The following PDE11A variants were observed in gnomAD, a reference collection of about 807,000 sequenced individuals.
PDE11A encodes dual 3',5'-cyclic-AMP and -GMP phosphodiesterase 11A.
PDE11A carries 100 observed loss-of-function variants against 100.5 expected under a neutral mutation model. The ratio of observed to expected loss-of-function variants is 1.00; its 90% CI spans 0.85 to 1.18. The LOEUF (loss-of-function observed/expected upper bound fraction) is 1.18. PDE11A is among the 50% of genes most tolerant of loss of function. PDE11A has a pLI of 0.00. For synonymous variants in PDE11A, 381 were observed against 420.8 expected, an observed-to-expected ratio of 0.91 and a Z score of 1.16; for missense variants, 1,141 against 1,152.6, an observed-to-expected ratio of 0.99 and a Z score of 0.15.
intron 10 of PDE11A, among the ~76,000 whole-genome samples, chr2:177,743,755 G>C (rs1159117690): frequency 6.6e-6 from 1 of 152,146 alleles, no homozygotes; most frequent in Non-Finnish European, 1.5e-5. Context: ...TAACCCTAAA[G>C]GGAAAAGGTA....
chr2:177,834,933 AC>A (rs2083369593), intron 6 of PDE11A, among the ~76,000 whole-genome samples: 1 of 151,908 alleles, frequency 6.6e-6, no homozygotes, highest in South Asian at 2.1e-4. Context: ...TTGGAGGAGA[AC>A]CCAGCTCCTC....
intron 1 of PDE11A, among the ~76,000 whole-genome samples, chr2:178,044,573 G>A (rs1316087646): frequency 6.6e-6 from 1 of 151,600 alleles, no homozygotes. Flanking sequence ...GAAGTTCTTG[G>A]GAGGTATAAC....
intron 9 of PDE11A, among the ~76,000 whole-genome samples, chr2:177,775,897 T>G (rs1166539852): frequency 6.6e-6 from 1 of 152,148 alleles, no homozygotes; most frequent in Non-Finnish European, 1.5e-5. Flanking sequence ...CCTCCCCTAC[T>G]AGACTGTAAG....
At chr2:177,933,670 G>A (rs1020391483) in intron 2 of PDE11A, among the ~76,000 whole-genome samples, 20 of 152,102 alleles carry the variant, frequency 1.3e-4, no homozygotes, top group Non-Finnish European at 2.4e-4. Flanking sequence ...GACAGAGTGA[G>A]ACTCCATAAA....
chr2:177,931,528 A>C (rs112316025), intron 2 of PDE11A, among the ~76,000 whole-genome samples: 1 of 152,208 alleles, frequency 6.6e-6, no homozygotes, highest in African/African-American at 2.4e-5. Context: ...ATGGAAATTA[A>C]ACAACTTGCT....
chr2:177,748,424 C>T (rs1176518902), intron 10 of PDE11A, among the ~76,000 whole-genome samples: 1 of 152,172 alleles, frequency 6.6e-6, no homozygotes. Flanking sequence ...ATTCTGGTTA[C>T]TCTTATAAAG....
intron 1 of PDE11A, among the ~76,000 whole-genome samples, chr2:178,050,200 C>T (rs978546667): frequency 6.6e-6 from 1 of 152,212 alleles, no homozygotes; most frequent in East Asian, 1.9e-4. Context: ...GCAATATTTG[C>T]GGTTCTGCAG....
chr2:177,653,122 A>T (rs1236360900), intron 19 of PDE11A, among the ~76,000 whole-genome samples: 1 of 152,150 alleles, frequency 6.6e-6, no homozygotes, highest in Non-Finnish European at 1.5e-5. Context: ...GTCCATGCAG[A>T]TCTTTTCTCT....
intron 10 of PDE11A, among the ~76,000 whole-genome samples, chr2:177,758,494 A>C (rs2082125561): frequency 6.6e-6 from 1 of 152,150 alleles, no homozygotes. Flanking sequence ...CCATTTCACC[A>C]ACATGCAGTA....
chr2:177,683,045 T>C (rs2080887396), intron 15 of PDE11A, among the ~76,000 whole-genome samples: 1 of 152,056 alleles, frequency 6.6e-6, no homozygotes, highest in African/African-American at 2.4e-5. Flanking sequence ...GGACAAGAGG[T>C]TGAGAACAAC....
intron 19 of PDE11A, among the ~76,000 whole-genome samples, chr2:177,637,142 T>G (rs2080050746): frequency 6.6e-6 from 1 of 152,214 alleles, no homozygotes; most frequent in Non-Finnish European, 1.5e-5. Flanking sequence ...TCTCATAAAA[T>G]CTCCACAGCA....
chr2:177,693,168 A>T (rs1432085637), intron 15 of PDE11A, among the ~76,000 whole-genome samples: 2 of 152,120 alleles, frequency 1.3e-5, no homozygotes, highest in African/African-American at 4.8e-5. Flanking sequence ...CTCTCCTGCC[A>T]TTGCTGCTAC....
chr2:177,706,674 C>T (rs1178738712), intron 13 of PDE11A, among the ~76,000 whole-genome samples: 1 of 152,174 alleles, frequency 6.6e-6, no homozygotes, highest in South Asian at 2.1e-4. Context: ...AAGGTAGGTG[C>T]AGTGCCCCTG....
At chr2:178,104,213 C>T in intron 2 of PDE11A, 1 of 1,293,192 alleles carries the variant, frequency 7.7e-7, no homozygotes, top group South Asian at 1.2e-5. Context: ...TTTAACGCTG[C>T]AAATTAGGAA....
At chr2:178,090,358 C>T (rs945185538) in intron 2 of PDE11A, among the ~76,000 whole-genome samples, 1 of 152,144 alleles carries the variant, frequency 6.6e-6, no homozygotes, top group Non-Finnish European at 1.5e-5. Context: ...ACATTGCTAT[C>T]GGCAAAGAGA....
chr2:178,062,253 AGGGCTGTCTT>A (rs1047844932), intron 1 of PDE11A, among the ~76,000 whole-genome samples: 5 of 150,480 alleles, frequency 3.3e-5, no homozygotes, highest in African/African-American at 1.2e-4. Flanking sequence ...GGCTATGGCT[AGGGCTGTCTT>A]GGGCTTTCAA....
chr2:177,963,664 G>A (rs1382833185), intron 2 of PDE11A, among the ~76,000 whole-genome samples: 2 of 127,936 alleles, frequency 1.6e-5, no homozygotes, highest in Non-Finnish European at 3.2e-5. Context: ...CTTCTCTCTT[G>A]AAATCTGTCT....
chr2:177,652,901 T>C lies in PDE11A; in HGVS notation c.2646+10965A>G, dbSNP rs371717889. On this transcript the variant is annotated intron_variant, in intron 19 of 19. Transcript: ENST00000286063. ...CATGCTTTTTGGTTTGCATCTATTC[T>C]TTCATATTGGAGGCTTTGCTCAAAC... Among the ~76,000 whole-genome samples the C allele has an allele frequency of 8.8e-4, 134 of 152,372 alleles. 1 individual carries two copies. The highest frequency in any genetic ancestry group is 3.1e-3 in the African/African-American group (129 of 41,584).
intron 1 of PDE11A, among the ~76,000 whole-genome samples, chr2:178,014,985 A>G (rs1371932686): frequency 6.6e-6 from 1 of 152,208 alleles, no homozygotes. Flanking sequence ...TAAAATATAT[A>G]AAATAAATGA....
Sources: gnomAD v4.1 joint callset for allele counts (sites outside exome capture counted in the v4.1 genomes callset) on GRCh38, gnomAD v4.1.1 for gene constraint, MANE v1.5 for transcripts, NCBI Gene and HGNC (gene_info 2026-07-23, HGNC 2026-07-21) for gene names.